The following WDR25 variants were observed in gnomAD, a reference collection of about 807,000 sequenced individuals.
WDR25 encodes WD repeat domain 25.
A neutral mutation model predicts 47.7 loss-of-function variants in WDR25; 35 were observed. The observed-to-expected ratio is 0.73, with a 90% CI of 0.56 to 0.97. The LOEUF (loss-of-function observed/expected upper bound fraction) is 0.97. Among genes scored for constraint, WDR25 ranks in the 50% least tolerant of loss-of-function variants. The probability of loss-of-function intolerance (pLI) is 0.00; values close to 1 mark genes in which losing one functional copy is unlikely to be tolerated. For synonymous variants in WDR25, 248 were observed against 278.9 expected (o/e 0.89, Z 1.10); for missense variants, 634 against 704.7 (o/e 0.90, Z 1.14).
chr14:100,442,423 G>A (rs1898698865), intron 2 of WDR25, among the ~76,000 whole-genome samples: 1 of 152,180 alleles, frequency 6.6e-6, no homozygotes, highest in Admixed American at 6.5e-5. Flanking sequence ...ATCTAGCATT[G>A]TGGATAAGCA....
intron 4 of WDR25, among the ~76,000 whole-genome samples, chr14:100,518,757 A>G (rs1234256443): frequency 1.3e-5 from 2 of 151,952 alleles, no homozygotes; most frequent in African/African-American, 2.4e-5. Flanking sequence ...CAGGCATTGC[A>G]ACGTGTGCCT....
rs192587067 is a variant in WDR25 at position 100,525,210 on chromosome 14, C to A, written c.1102-660C>A. Among the ~76,000 whole-genome samples the A allele has an allele frequency of 6.6e-6, 1 of 152,170 alleles. No homozygotes were observed. Among genetic ancestry groups the A allele is most frequent in the Non-Finnish European group, 1.5e-5 (1 of 68,038 alleles). Reference sequence around the variant, plus strand: ...CCTGGTACTGGGACCCTTCTCCATCCCCTCACCAGAGCTGGATACTTGAGA... The same window carrying A: ...CCTGGTACTGGGACCCTTCTCCATCACCTCACCAGAGCTGGATACTTGAGA... On this transcript the variant is annotated intron_variant, in intron 4 of 6. Coordinates refer to ENST00000402312, the MANE Select transcript of WDR25 (RefSeq NM_001161476.3). The surrounding 1 kb of genome is among the most constrained non-coding windows in gnomAD (Gnocchi z 4.6).
intron 4 of WDR25, among the ~76,000 whole-genome samples, chr14:100,517,932 T>A (rs891740556): frequency 6.6e-6 from 1 of 152,246 alleles, no homozygotes; most frequent in Non-Finnish European, 1.5e-5. Flanking sequence ...AAAATTGTGT[T>A]ATGGATTACA....
Position 100,502,916 on chromosome 14 carries a change from G to GT in WDR25, c.1101+18798dup, listed in dbSNP as rs1394644452. Reference sequence around the variant, plus strand: ...CACAACATATGAGGGAATGGTGAGGGTTTTTTGTTGCTGGAGAACACGCAG... The same window carrying GT: ...CACAACATATGAGGGAATGGTGAGGGTTTTTTTGTTGCTGGAGAACACGCAG... On this transcript the variant is annotated intron_variant, in intron 4 of 6. Transcript: ENST00000402312. This position sits in a 1 kb window ranked among gnomAD's most constrained non-coding sequence, Gnocchi z 4.5. Among the ~76,000 whole-genome samples the GT allele has an allele frequency of 4.6e-5, 7 of 152,116 alleles. No individual in the cohort carries two copies. The highest frequency in any genetic ancestry group is 2.1e-4 in the South Asian group (1 of 4,808).
At chr14:100,522,991 G>T (rs976841900) in intron 4 of WDR25, among the ~76,000 whole-genome samples, 1 of 152,218 alleles carries the variant, frequency 6.6e-6, no homozygotes, top group Admixed American at 6.5e-5. Context: ...CTCAATCAGG[G>T]CCAGGGGAAG....
rs1900870313 is a variant in WDR25 at position 100,500,213 on chromosome 14, C to T, written c.1101+16089C>T. ...ATTGTGTGTGCCCCTGGTGTGGACA[C>T]TGGAGGGGCCCGAGAGTGGGGTGGC... On this transcript the variant is annotated intron_variant, in intron 4 of 6. Transcript: ENST00000402312. The surrounding 1 kb of genome is among the most constrained non-coding windows in gnomAD (Gnocchi z 4.7). Among the ~76,000 whole-genome samples the T allele has an allele frequency of 6.6e-6, 1 of 152,104 alleles. No homozygotes were observed. Among genetic ancestry groups the T allele is most frequent in the Admixed American group, 6.5e-5 (1 of 15,284 alleles).
chr14:100,396,409 A>G (rs931998803), intron 2 of WDR25, among the ~76,000 whole-genome samples: 1 of 152,266 alleles, frequency 6.6e-6, no homozygotes, highest in Non-Finnish European at 1.5e-5. Flanking sequence ...AACACAGTGA[A>G]GCTATTAAAG....
At chr14:100,411,133 A>G (rs2140190627) in intron 2 of WDR25, among the ~76,000 whole-genome samples, 1 of 152,286 alleles carries the variant, frequency 6.6e-6, no homozygotes, top group South Asian at 2.1e-4. Context: ...TCAAATATTT[A>G]CCCATCACAC....
In WDR25 at chr14:100,468,099, G is replaced by C. The variant is rs139730965; in HGVS notation, c.901G>C (p.Ala301Pro). The change falls in exon 3 of 7, where the codon GCT becomes CCT. Residue 301 changes from alanine (A) to proline (P), a missense_variant. Ala to Pro is a conservative substitution (Grantham distance 27, BLOSUM62 -1). Transcript: ENST00000402312. The surrounding 1 kb of genome is among the most constrained non-coding windows in gnomAD (Gnocchi z 4.5). ...AGAGGCAGTGCGGGCCGCCCGGTGG[G>C]CTCCCTGTGGCCGGCGCATCCTCAG... is the stretch of plus-strand genomic sequence containing the variant. ...HTEAVRAARW[A>P]PCGRRILSGG... is the part of the protein sequence containing the mutation. 2 of 1,613,416 alleles carry C rather than the reference G, an allele frequency of 1.2e-6. No homozygotes were observed. The highest frequency in any genetic ancestry group is 1.7e-6 in the Non-Finnish European group (2 of 1,180,002).
rs1050559665 is a variant in WDR25, at chr14:100,430,752, G to A, written c.823-37269G>A. Among the ~76,000 whole-genome samples, 6 of 152,152 alleles carry A rather than the reference G, an allele frequency of 3.9e-5. No homozygotes were observed. The highest frequency in any genetic ancestry group is 6.5e-5 in the Admixed American group (1 of 15,276). ...GGAGATGCAGGAAGCCCATGCTGACGTGCGGAGTGGGCCTGCACAGATGAG... is the reference window on the plus strand; with the variant it reads ...GGAGATGCAGGAAGCCCATGCTGACATGCGGAGTGGGCCTGCACAGATGAG... On this transcript the variant is annotated intron_variant, in intron 2 of 6. Coordinates refer to ENST00000402312, the MANE Select transcript of WDR25 (RefSeq NM_001161476.3). The surrounding 1 kb of genome is among the most constrained non-coding windows in gnomAD (Gnocchi z 4.7).
intron 2 of WDR25, among the ~76,000 whole-genome samples, chr14:100,405,655 G>A (rs549852215): frequency 5.5e-4 from 84 of 152,372 alleles, no homozygotes; most frequent in African/African-American, 1.8e-3. Flanking sequence ...AAACATGCAA[G>A]GGCAGAAGCA....
chr14:100,497,987 A>G (rs1595148629), intron 4 of WDR25, among the ~76,000 whole-genome samples: 1 of 152,358 alleles, frequency 6.6e-6, no homozygotes, highest in African/African-American at 2.4e-5. Flanking sequence ...TCAGCAGTTC[A>G]TTCACTGTTT....
At chr14:100,405,166 A>ATTTTTTTTTTTTTTTTT (rs1285500586) in intron 2 of WDR25, among the ~76,000 whole-genome samples, 2 of 75,148 alleles carry the variant, frequency 2.7e-5, no homozygotes, top group African/African-American at 1.0e-4. Flanking sequence ...TCTCTGCCCC[A>ATTTTTTTTTTTTTTTTT]TCTTTTTTTT....
At position 100,430,151 on chromosome 14, in the gene WDR25, G is replaced by GGTGTGTGTGTGTGT. The variant is rs59318813; in HGVS notation, c.823-37849_823-37836dup. 3.4e-5 allele frequency among the ~76,000 whole-genome samples: 5 copies of GGTGTGTGTGTGTGT among 146,794 alleles called. No homozygotes were observed. Among genetic ancestry groups the GGTGTGTGTGTGTGT allele is most frequent in the African/African-American group, 1.3e-4 (5 of 39,780 alleles). On this transcript the variant is annotated intron_variant, in intron 2 of 6. Transcript: ENST00000402312. This position sits in a 1 kb window ranked among gnomAD's most constrained non-coding sequence, Gnocchi z 4.7. ...CAAATCTTGCAGACCAAGGGGGCCT[G>GGTGTGTGTGTGTGT]GTGTGTGTGTGTGTGTGTGTGTGTG...
chr14:100,518,275 A>G (rs922845692), intron 4 of WDR25, among the ~76,000 whole-genome samples: 1 of 152,142 alleles, frequency 6.6e-6, no homozygotes, highest in Admixed American at 6.5e-5. Context: ...ATTGATGCTA[A>G]TTTACCACTT....
At chr14:100,456,339 G>A (rs1299681534) in intron 2 of WDR25, among the ~76,000 whole-genome samples, 1 of 152,108 alleles carries the variant, frequency 6.6e-6, no homozygotes, top group African/African-American at 2.4e-5. Flanking sequence ...TGAATTTACT[G>A]TGTCTAGTAT....
At chr14:100,405,408 G>A (rs557229036) in intron 2 of WDR25, among the ~76,000 whole-genome samples, 2 of 151,976 alleles carry the variant, frequency 1.3e-5, no homozygotes, top group Non-Finnish European at 2.9e-5. Flanking sequence ...TGATCCACCC[G>A]CCTCAGCCTC....
At chr14:100,409,845 C>T (rs73361452) in intron 2 of WDR25, among the ~76,000 whole-genome samples, 3,717 of 152,246 alleles carry the variant, frequency 0.024, 164 homozygotes, top group African/African-American at 0.086. Context: ...TTGCCTCTCG[C>T]GTGTATTGTC....
intron 3 of WDR25, among the ~76,000 whole-genome samples, chr14:100,478,078 G>A (rs916925406): frequency 1.3e-5 from 2 of 151,054 alleles, no homozygotes; most frequent in Admixed American, 6.6e-5. Context: ...GCGACAGAGC[G>A]AGACTCTGTC....
Sources: gnomAD v4.1 joint callset for allele counts (sites outside exome capture counted in the v4.1 genomes callset) on GRCh38, gnomAD v4.1.1 for gene constraint, Gnocchi (gnomAD v3.1) non-coding constraint, MANE v1.5 for transcripts, NCBI Gene and HGNC (gene_info 2026-07-23, HGNC 2026-07-21) for gene names.